The following TRERF1 variants were observed in gnomAD, a reference collection of about 807,000 sequenced individuals.
The protein encoded by TRERF1 is transcriptional-regulating factor 1.
In TRERF1, 27 loss-of-function variants were observed where a neutral mutation model predicts 122.9. That is an observed-to-expected ratio of 0.22 (90% CI 0.16 to 0.30). The LOEUF (loss-of-function observed/expected upper bound fraction) is 0.30, where lower values mean the gene tolerates loss of function less well. Ranked by LOEUF, TRERF1 falls within the 10% of genes least tolerant of loss-of-function variation. TRERF1 has a pLI of 1.00. For missense variants in TRERF1, 1,248 were observed against 1,560.3 expected, an observed-to-expected ratio of 0.80 and a Z score of 3.37; for synonymous variants, 636 against 641.7, an observed-to-expected ratio of 0.99 and a Z score of 0.13.
At chr6:42,361,953 T>C (rs1473105735) in intron 3 of TRERF1, among the ~76,000 whole-genome samples, 2 of 152,242 alleles carry the variant, frequency 1.3e-5, no homozygotes, top group Non-Finnish European at 1.5e-5. Context: ...CTGGCCATGC[T>C]GCTGTAGGTT....
chr6:42,325,076 A>T (rs780267923), intron 3 of TRERF1, among the ~76,000 whole-genome samples: 1 of 152,194 alleles, frequency 6.6e-6, no homozygotes, highest in African/African-American at 2.4e-5. Flanking sequence ...AAATAACCCC[A>T]CTAAAAAGTG....
At position 42,259,640 on chromosome 6, in the gene TRERF1, G is replaced by A. The variant is rs1777459412; in HGVS notation, c.1968C>T (p.His656=). 1.2e-6 allele frequency: 2 copies of A among 1,612,900 alleles called. No individual in the cohort carries two copies. Among genetic ancestry groups the A allele is most frequent in the Non-Finnish European group, 1.7e-6 (2 of 1,179,988 alleles). ...GCGGGATGAAGAGAGGTTCCGGCCG[G>A]TGCCGGAACTTTTTCTTCTCCTGCA... Residue 656 remains histidine, a synonymous_variant, in exon 9 of 18, where the codon CAC becomes CAT. Coordinates refer to ENST00000372922, the Ensembl canonical transcript of TRERF1. This position sits in a 1 kb window ranked among gnomAD's most constrained non-coding sequence, Gnocchi z 4.9.
chr6:42,329,099 G>A (rs2150550614), intron 3 of TRERF1, among the ~76,000 whole-genome samples: 1 of 152,108 alleles, frequency 6.6e-6, no homozygotes, highest in East Asian at 2.0e-4. Context: ...TGGACTACCT[G>A]ACTTGACTCA....
In TRERF1 at chr6:42,259,321, G is replaced by A; in HGVS notation, c.2269+18C>T. On this transcript the variant is annotated intron_variant, in intron 9 of 17. Coordinates refer to ENST00000372922, the Ensembl canonical transcript of TRERF1. The surrounding 1 kb of genome is among the most constrained non-coding windows in gnomAD (Gnocchi z 4.9). ...CCCAGCACCCAGAGCCCAGGAGGAC[G>A]CTAAAGGGGTGACTCACTGGAGCGA... is the stretch of plus-strand genomic sequence containing the variant. 5 of 1,491,164 alleles carry A rather than the reference G, an allele frequency of 3.4e-6. No individual in the cohort carries two copies. Among genetic ancestry groups the A allele is most frequent in the Non-Finnish European group, 4.4e-6 (5 of 1,129,706 alleles). The allele number at this position is 1,491,164 out of a possible 1,614,324, so 92.4% of individuals were successfully genotyped here. A position where few individuals can be genotyped will look rare whatever the true frequency, so the allele number is the denominator to read the frequency against.
intron 2 of TRERF1, among the ~76,000 whole-genome samples, chr6:42,375,454 T>C (rs1360101381): frequency 6.6e-6 from 1 of 152,244 alleles, no homozygotes; most frequent in Non-Finnish European, 1.5e-5. Context: ...GGCTGACAGC[T>C]GTCTCGTCAC....
At chr6:42,331,491 T>C (rs1765228941) in intron 3 of TRERF1, among the ~76,000 whole-genome samples, 1 of 152,132 alleles carries the variant, frequency 6.6e-6, no homozygotes, top group South Asian at 2.1e-4. Flanking sequence ...CTGCTCGGGA[T>C]TAACTGACTG....
In TRERF1 at chr6:42,239,872, T is replaced by G. The variant is rs543962958; in HGVS notation, c.2859+3376A>C. 7.6e-4 allele frequency among the ~76,000 whole-genome samples: 115 copies of G among 152,216 alleles called. 1 individual carries two copies. The South Asian group carries it at 0.023, about 30-fold the overall frequency. ...AATCAAGATTTTCTTGTTTTTTTTTTGTGGGCCTGAGTCATCTCTGCACAT... is the reference window on the plus strand; with the variant it reads ...AATCAAGATTTTCTTGTTTTTTTTTGGTGGGCCTGAGTCATCTCTGCACAT... On this transcript the variant is annotated intron_variant, in intron 15 of 17. Coordinates refer to ENST00000372922, the Ensembl canonical transcript of TRERF1.
intron 4 of TRERF1, among the ~76,000 whole-genome samples, chr6:42,283,093 A>G (rs1263226593): frequency 6.6e-6 from 1 of 152,216 alleles, no homozygotes. Context: ...TTAGCATTAC[A>G]CTTGGAGGCC....
chr6:42,362,153 T>A (rs934477630), intron 3 of TRERF1, among the ~76,000 whole-genome samples: 1 of 152,110 alleles, frequency 6.6e-6, no homozygotes, highest in Non-Finnish European at 1.5e-5. Flanking sequence ...TAGACGCTCT[T>A]CAATTACCCC....
intron 3 of TRERF1, among the ~76,000 whole-genome samples, chr6:42,318,103 G>T (rs1762805722): frequency 6.6e-6 from 1 of 151,214 alleles, no homozygotes; most frequent in African/African-American, 2.4e-5. Flanking sequence ...GTAGTAAGCC[G>T]AGATCACCCC....
chr6:42,416,159 A>G lies in TRERF1; in HGVS notation c.-454+35018T>C, dbSNP rs1374870181. Among the ~76,000 whole-genome samples, 3 of 152,132 alleles carry G rather than the reference A, an allele frequency of 2.0e-5. No homozygotes were observed. The East Asian group carries it at 5.8e-4, about 29-fold the overall frequency. On this transcript the variant is annotated intron_variant, in intron 2 of 17. Coordinates refer to ENST00000372922, the Ensembl canonical transcript of TRERF1. ...GATTTTTGTGCATTAACTATGCACCAAACTACCTTACTGAATTCTCTTGTT... is the reference window on the plus strand; with the variant it reads ...GATTTTTGTGCATTAACTATGCACCGAACTACCTTACTGAATTCTCTTGTT...
intron 4 of TRERF1, among the ~76,000 whole-genome samples, chr6:42,282,955 C>A (rs1341080076): frequency 6.6e-6 from 1 of 152,028 alleles, no homozygotes; most frequent in Non-Finnish European, 1.5e-5. Context: ...TTTTTTCATT[C>A]ATTAACATTG....
At chr6:42,318,165 A>G (rs9349229) in intron 3 of TRERF1, among the ~76,000 whole-genome samples, 56,678 of 151,888 alleles carry the variant, frequency 0.37, 11,487 homozygotes, top group East Asian at 0.76. Context: ...AAAAAAAAAA[A>G]AAAGCTCTTT....
chr6:42,287,293 A>T (rs567748798), intron 4 of TRERF1, among the ~76,000 whole-genome samples: 113 of 110,908 alleles, frequency 1.0e-3, no homozygotes, highest in African/African-American at 3.9e-3. Flanking sequence ...AAAGTATAAT[A>T]AAAAAAAAAA....
chr6:42,271,244 G>C (rs1023708722), intron 4 of TRERF1, among the ~76,000 whole-genome samples: 3 of 149,232 alleles, frequency 2.0e-5, no homozygotes, highest in Non-Finnish European at 1.5e-5. Flanking sequence ...ATTCTTTCTA[G>C]AACTCATGGA....
At position 42,294,601 on chromosome 6, in the gene TRERF1, A is replaced by C. The variant is rs113783878; in HGVS notation, c.-259+6037T>G. 2.2e-3 allele frequency among the ~76,000 whole-genome samples: 341 copies of C among 152,338 alleles called. 2 individuals carry two copies. The highest frequency in any genetic ancestry group is 7.7e-3 in the African/African-American group (321 of 41,582). On this transcript the variant is annotated intron_variant, in intron 4 of 17. Coordinates refer to ENST00000372922, the Ensembl canonical transcript of TRERF1. ...GCCAACGGCCAATCTCCAGGGCAGC[A>C]CGTGAAGATTTGATGTAGAGCATAT...
chr6:42,261,228 A>G (rs1319463011), intron 8 of TRERF1, among the ~76,000 whole-genome samples: 1 of 152,158 alleles, frequency 6.6e-6, no homozygotes, highest in Non-Finnish European at 1.5e-5. Context: ...GGTAACAGAT[A>G]AGATCATCCA....
At chr6:42,369,243 A>G (rs1773328772) in intron 2 of TRERF1, among the ~76,000 whole-genome samples, 1 of 152,174 alleles carries the variant, frequency 6.6e-6, no homozygotes, top group Admixed American at 6.5e-5. Flanking sequence ...TGAGGTCAAG[A>G]GCTCCAGACC....
chr6:42,362,189 C>T (rs1386413228), intron 3 of TRERF1, among the ~76,000 whole-genome samples: 2 of 152,324 alleles, frequency 1.3e-5, no homozygotes, highest in East Asian at 3.9e-4. Context: ...GTGTTTCCGA[C>T]TGGAACCCCG....
Sources: allele counts gnomAD v4.1 joint callset (sites outside exome capture counted in the v4.1 genomes callset), GRCh38; gene constraint gnomAD v4.1.1; non-coding constraint Gnocchi (gnomAD v3.1); transcripts MANE v1.5; gene names NCBI Gene and HGNC (gene_info 2026-07-23, HGNC 2026-07-21).